Variants in PTPRD observed in about 807,000 individuals in gnomAD.
PTPRD encodes receptor-type tyrosine-protein phosphatase delta.
In PTPRD, 34 loss-of-function variants were observed where a neutral mutation model predicts 214.5. The ratio of observed to expected loss-of-function variants is 0.16; its 90% CI spans 0.12 to 0.21. The LOEUF (loss-of-function observed/expected upper bound fraction) is 0.21. PTPRD is among the 10% of genes least tolerant of loss of function. PTPRD has a pLI of 1.00. For synonymous variants in PTPRD, 1,128 were observed against 845.7 expected (o/e 1.33, Z -5.79); for missense variants, 2,545 against 2,398.7 (o/e 1.06, Z -1.27).
At chr9:10,144,104 AT>A (rs1564102886) in intron 3 of PTPRD, among the ~76,000 whole-genome samples, 1 of 152,096 alleles carries the variant, frequency 6.6e-6, no homozygotes, top group African/African-American at 2.4e-5. Flanking sequence ...AAAGAAAAAA[AT>A]AAAGTAATTT....
chr9:8,812,411 G>A (rs988032300), intron 11 of PTPRD, among the ~76,000 whole-genome samples: 6 of 152,178 alleles, frequency 3.9e-5, no homozygotes, highest in African/African-American at 1.4e-4. Context: ...AAGTTTCCAT[G>A]TATCTGCTAA....
At chr9:9,667,423 T>A (rs536804187) in intron 7 of PTPRD, among the ~76,000 whole-genome samples, 1 of 152,252 alleles carries the variant, frequency 6.6e-6, no homozygotes, top group African/African-American at 2.4e-5. Context: ...AGCAAAACTG[T>A]CTCTCCATCA....
At chr9:9,894,867 A>T (rs2153790897) in intron 5 of PTPRD, among the ~76,000 whole-genome samples, 1 of 151,908 alleles carries the variant, frequency 6.6e-6, no homozygotes, top group Non-Finnish European at 1.5e-5. Context: ...TTTCTTTTTG[A>T]GATGTTTCTC....
At chr9:8,766,782 C>T (rs2094786806) in intron 11 of PTPRD, among the ~76,000 whole-genome samples, 1 of 152,176 alleles carries the variant, frequency 6.6e-6, no homozygotes, top group Non-Finnish European at 1.5e-5. Flanking sequence ...GTATATAAAG[C>T]TCACATTAAT....
intron 3 of PTPRD, among the ~76,000 whole-genome samples, chr9:10,269,404 T>C (rs567978774): frequency 5.3e-5 from 8 of 152,332 alleles, no homozygotes; most frequent in African/African-American, 1.9e-4. Context: ...CATGTATATA[T>C]GTGCATGTGT....
At chr9:10,143,628 C>A (rs1264765766) in intron 3 of PTPRD, among the ~76,000 whole-genome samples, 2 of 152,064 alleles carry the variant, frequency 1.3e-5, no homozygotes, top group Non-Finnish European at 2.9e-5. Flanking sequence ...CAGCACCATT[C>A]ACAATAGCAA....
intron 10 of PTPRD, among the ~76,000 whole-genome samples, chr9:9,149,810 G>C (rs2099875039): frequency 6.6e-6 from 1 of 152,174 alleles, no homozygotes; most frequent in Admixed American, 6.5e-5. Flanking sequence ...GCTGGCAGCT[G>C]CCTGGCTGTA....
chr9:8,347,414 G>C (rs557795093), intron 39 of PTPRD, among the ~76,000 whole-genome samples: 1 of 152,138 alleles, frequency 6.6e-6, no homozygotes, highest in Non-Finnish European at 1.5e-5. Flanking sequence ...AAGAAGGAAT[G>C]AGCAGAACAA....
intron 5 of PTPRD, among the ~76,000 whole-genome samples, chr9:9,896,898 A>T (rs1361268102): frequency 2.0e-5 from 3 of 152,080 alleles, no homozygotes; most frequent in African/African-American, 7.2e-5. Flanking sequence ...AAGTGACAAT[A>T]ATAAAAATTG....
intron 7 of PTPRD, among the ~76,000 whole-genome samples, chr9:9,722,330 A>G (rs1423508690): frequency 6.6e-6 from 1 of 152,106 alleles, no homozygotes; most frequent in East Asian, 1.9e-4. Context: ...TATGTGGTCT[A>G]TTGTAACTGG....
intron 17 of PTPRD, 196 bp from the exon 18 acceptor site, chr9:8,525,231 CATCATCAATGCTAGCATTAGAA>C: frequency 1.4e-6 from 1 of 698,972 alleles, no homozygotes. Flanking sequence ...TTTTTTTTTA[CATCATCAATGCTAGCATTAGAA>C]ATCAATATCT....
At chr9:10,181,994 G>A (rs1252804340) in intron 3 of PTPRD, among the ~76,000 whole-genome samples, 48 of 134,834 alleles carry the variant, frequency 3.6e-4, no homozygotes, top group Non-Finnish European at 5.9e-4. Flanking sequence ...AGTGGCTCAC[G>A]CCTGTAATCC....
At chr9:10,278,761 G>T (rs2094885853) in intron 3 of PTPRD, among the ~76,000 whole-genome samples, 1 of 147,626 alleles carries the variant, frequency 6.8e-6, no homozygotes, top group Admixed American at 6.8e-5. Flanking sequence ...GTGGTAAAAG[G>T]TTTTTTTTTT....
chr9:9,451,109 G>A (rs1022095261), intron 8 of PTPRD, among the ~76,000 whole-genome samples: 1 of 151,608 alleles, frequency 6.6e-6, no homozygotes, highest in Admixed American at 6.6e-5. Context: ...AAATGCCAAA[G>A]TCAGCATTAC....
chr9:10,024,781 T>G (rs1242645777), intron 4 of PTPRD, among the ~76,000 whole-genome samples: 1 of 61,736 alleles, frequency 1.6e-5, no homozygotes, highest in Non-Finnish European at 2.9e-5. Flanking sequence ...CCCTCCCCCC[T>G]CCCCCCACCC....
chr9:9,792,531 G>A (rs187159277), intron 5 of PTPRD, among the ~76,000 whole-genome samples: 1 of 152,008 alleles, frequency 6.6e-6, no homozygotes, highest in Admixed American at 6.6e-5. Flanking sequence ...AGTAGCCCTG[G>A]AGGAAAAAAT....
intron 37 of PTPRD, among the ~76,000 whole-genome samples, chr9:8,379,270 G>T (rs948376585): frequency 1.3e-5 from 2 of 152,122 alleles, no homozygotes; most frequent in African/African-American, 4.8e-5. Context: ...TCAGCAGTGG[G>T]ATTAGAAGCT....
At chr9:8,372,258 C>G (rs2081780878) in intron 39 of PTPRD, among the ~76,000 whole-genome samples, 1 of 151,932 alleles carries the variant, frequency 6.6e-6, no homozygotes, top group Non-Finnish European at 1.5e-5. Flanking sequence ...TAGATGATAT[C>G]CAAATTCATG....
chr9:9,729,950 A>C (rs527912806), intron 7 of PTPRD, among the ~76,000 whole-genome samples: 1 of 152,252 alleles, frequency 6.6e-6, no homozygotes, highest in East Asian at 1.9e-4. Flanking sequence ...CTATATGCTT[A>C]AAAAGTCAAA....
Sources: gnomAD v4.1 joint callset for allele counts (sites outside exome capture counted in the v4.1 genomes callset) on GRCh38, gnomAD v4.1.1 for gene constraint, MANE v1.5 for transcripts, NCBI Gene and HGNC (gene_info 2026-07-23, HGNC 2026-07-21) for gene names.